ABCA4: variants seen among roughly 807,000 people sequenced by gnomAD.
ABCA4 encodes the protein retinal-specific phospholipid-transporting ATPase ABCA4.
A neutral mutation model predicts 263.7 loss-of-function variants in ABCA4; 196 were observed. The observed-to-expected ratio is 0.74, with a 90% CI of 0.66 to 0.84. ABCA4 has a LOEUF of 0.84. Among genes scored for constraint, ABCA4 ranks in the 40% least tolerant of loss-of-function variants. ABCA4 has a pLI of 0.00. For synonymous variants in ABCA4, 1,133 were observed against 1,094.2 expected, an observed-to-expected ratio of 1.04 and a Z score of -0.70; for missense variants, 2,792 against 2,855.1, an observed-to-expected ratio of 0.98 and a Z score of 0.50.
chr1:94,020,643 C>T (rs1041779182), intron 35 of ABCA4, among the ~76,000 whole-genome samples: 34 of 152,180 alleles, frequency 2.2e-4, no homozygotes, highest in African/African-American at 7.0e-4. Context: ...TGGCACTCAG[C>T]GTGTGCTAGG....
At chr1:94,015,610 G>A in intron 37 of ABCA4, 129 bp downstream of exon 37, 1 of 759,478 alleles carries the variant, frequency 1.3e-6, no homozygotes, top group Non-Finnish European at 2.3e-6. Flanking sequence ...GACCCTACCT[G>A]GGGCCGGAAG....
chr1:94,056,547 C>T (rs558989818), intron 15 of ABCA4, 54 bp downstream of exon 15: 86 of 1,569,898 alleles, frequency 5.5e-5, no homozygotes, highest in Middle Eastern at 2.3e-4. Flanking sequence ...AGGACTGCTA[C>T]GGACCCTTCC....
chr1:94,016,397 GA>G (rs2101016372), intron 36 of ABCA4, among the ~76,000 whole-genome samples: 1 of 152,294 alleles, frequency 6.6e-6, no homozygotes, highest in East Asian at 1.9e-4. Context: ...GCCTCAACGG[GA>G]TGAGAAAGAT....
In ABCA4 at chr1:94,031,953, T is replaced by C. The variant is rs960704174; in HGVS notation, c.3953A>G (p.Asn1318Ser). The change falls in exon 27 of 50, where the codon AAT becomes AGT. Residue 1318 changes from asparagine to serine, a missense_variant. Transcript: ENST00000370225. ...AGCCGGCGCCCCTGGGGAGCAGACA[T>C]TGGAGTCCTGGGGTGTCTGTCCAGC... Reference protein sequence around the residue: ...EKAGQTPQDSNVCSPGAPAAH... With the variant: ...EKAGQTPQDSSVCSPGAPAAH... 5.6e-6 allele frequency: 9 copies of C among 1,613,908 alleles called. 1 individual carries two copies. Among genetic ancestry groups the C allele is most frequent in the South Asian group, 4.4e-5 (4 of 91,060 alleles).
At chr1:94,011,491 G>A in intron 38 of ABCA4, 106 bp from the exon 39 acceptor site, 1 of 1,565,226 alleles carries the variant, frequency 6.4e-7, no homozygotes, top group South Asian at 1.1e-5. Flanking sequence ...GGCAAGGCCT[G>A]CAGACAGAGA....
chr1:94,016,706 A>G (rs1659756631), intron 36 of ABCA4, among the ~76,000 whole-genome samples: 1 of 152,204 alleles, frequency 6.6e-6, no homozygotes, highest in Admixed American at 6.5e-5. Flanking sequence ...ATAGGTAGAT[A>G]GAGAACTATA....
intron 4 of ABCA4, 62 bp from the exon 5 acceptor site, chr1:94,103,204 C>G: frequency 6.3e-7 from 1 of 1,590,868 alleles, no homozygotes; most frequent in South Asian, 1.1e-5. Flanking sequence ...AAAAGGAAAA[C>G]AGCCAGAGTC....
In ABCA4 at chr1:94,010,918, A is replaced by C. The variant is rs775714847; in HGVS notation, c.5596T>G (p.Ser1866Ala). The change falls in exon 40 of 50, where the codon TCT becomes GCT. Residue 1866 changes from serine (S) to alanine (A), a missense_variant. Physicochemically the swap from Ser to Ala is moderately conservative, Grantham distance 99. Coordinates refer to ENST00000370225, the MANE Select transcript of ABCA4 (RefSeq NM_000350.3). ...DVYARFGEEH[S>A]ANPFHWDLIG... The stretch of plus-strand genomic sequence containing the variant: ...AGGTCCCAGTGGAACGGATTTGCAG[A>C]GTGCTCCTCACCTGGGCATCAACAG... The C allele has an allele frequency of 6.2e-7, 1 of 1,614,070 alleles. No homozygotes were observed.
At chr1:94,026,498 C>T (rs1483179597) in intron 30 of ABCA4, among the ~76,000 whole-genome samples, 3 of 152,234 alleles carry the variant, frequency 2.0e-5, no homozygotes, top group Non-Finnish European at 2.9e-5. Flanking sequence ...GGCCTAGGAA[C>T]TGAATCTGCC....
rs758912686 is a variant in ABCA4, at chr1:94,021,292, C to G, written c.4966G>C (p.Val1656Leu). The change falls in exon 35 of 50, where the codon GTC (valine) becomes CTC (leucine). Residue 1656 changes from valine (V) to leucine (L), a missense_variant. Physicochemically the swap from Val to Leu is conservative, Grantham distance 32. Coordinates refer to ENST00000370225, the MANE Select transcript of ABCA4 (RefSeq NM_000350.3). ...GTCAGGTTCAGGGGTTGGCTAATGA[C>G]GGTGATTCCATACTCCTCGGGGCTC... is the stretch of plus-strand genomic sequence containing the variant. ...DRSPEEYGIT[V>L]ISQPLNLTKE... 6.2e-7 allele frequency: 1 copy of G among 1,614,176 alleles called. No homozygotes were observed.
intron 23 of ABCA4, among the ~76,000 whole-genome samples, chr1:94,040,876 G>A (rs1660466631): frequency 6.6e-6 from 1 of 152,114 alleles, no homozygotes; most frequent in Admixed American, 6.5e-5. Context: ...TATTAATGTT[G>A]AAATGAAGCT....
chr1:93,999,400 G>A (rs1480530270), intron 47 of ABCA4, among the ~76,000 whole-genome samples: 1 of 152,204 alleles, frequency 6.6e-6, no homozygotes, highest in Non-Finnish European at 1.5e-5. Context: ...ATAAAGACAC[G>A]TGGACCAGTG....
At chr1:94,051,086 C>A (rs1405112774) in intron 17 of ABCA4, among the ~76,000 whole-genome samples, 3 of 152,228 alleles carry the variant, frequency 2.0e-5, no homozygotes, top group African/African-American at 7.2e-5. Context: ...TGGGCAAATG[C>A]CCTTTCAGCC....
chr1:94,115,560 C>T (rs1284467853), intron 1 of ABCA4, among the ~76,000 whole-genome samples: 1 of 152,178 alleles, frequency 6.6e-6, no homozygotes, highest in Non-Finnish European at 1.5e-5. Flanking sequence ...AGCTATGTGA[C>T]CTTGGGCAGC....
chr1:94,118,998 T>C (rs910566608), intron 1 of ABCA4, among the ~76,000 whole-genome samples: 4 of 152,176 alleles, frequency 2.6e-5, no homozygotes, highest in Non-Finnish European at 4.4e-5. Context: ...TAATTTCTTA[T>C]GGGAAAGAGA....
rs61748526 is a variant in ABCA4, at chr1:94,111,517, A to C, written c.223T>G (p.Cys75Gly). Residue 75 changes from cysteine to glycine, a missense_variant, in exon 3 of 50, where the codon TGC becomes GGC. By Grantham distance (159) the Cys-to-Gly change is radical. Transcript: ENST00000370225. ...GMLPWLQGIF[C>G]NVNNPCFQSP... ...TGAAAACAGGGATTGTTCACATTGCAGAAGATCCCCTGGAGCCACGGCAGC... is the reference window on the plus strand; with the variant it reads ...TGAAAACAGGGATTGTTCACATTGCCGAAGATCCCCTGGAGCCACGGCAGC... 7.4e-6 allele frequency: 12 copies of C among 1,614,084 alleles called. No individual in the cohort carries two copies. Among genetic ancestry groups the C allele is most frequent in the African/African-American group, 1.3e-5 (1 of 74,928 alleles).
rs767396224 is a variant in ABCA4 at position 94,055,139 on chromosome 1, G to A, written c.2559C>T (p.Leu853=). Residue 853 remains leucine (L), a synonymous_variant, in exon 16 of 50, where the codon CTC becomes CTT. Coordinates refer to ENST00000370225, the MANE Select transcript of ABCA4 (RefSeq NM_000350.3). Reference sequence around the variant, plus strand: ...GAAACACCTGATCAAGGTACCAAGCGAGTAAGCCATAGACAGCAGCATCAA... The same window carrying A: ...GAAACACCTGATCAAGGTACCAAGCAAGTAAGCCATAGACAGCAGCATCAA... The part of the protein sequence containing the change: ...MLLDAAVYGL[L]AWYLDQVFPG... The A allele has an allele frequency of 1.5e-5, 24 of 1,614,116 alleles. No homozygotes were observed. Among genetic ancestry groups the A allele is most frequent in the Non-Finnish European group, 1.7e-5 (20 of 1,180,034 alleles).
chr1:94,003,235 A>G (rs927059933), intron 44 of ABCA4, among the ~76,000 whole-genome samples: 1 of 152,064 alleles, frequency 6.6e-6, no homozygotes, highest in African/African-American at 2.4e-5. Flanking sequence ...TCTGCACAAG[A>G]TGTAGTCTAT....
chr1:94,014,482 G>C lies in ABCA4; in HGVS notation c.5460+61C>G. The C allele has an allele frequency of 3.1e-6, 5 of 1,592,792 alleles. No individual in the cohort carries two copies. The South Asian group carries it at 5.5e-5, about 18-fold the overall frequency. ...ACGATGCTTGCCCCTGGCTCTGCTC[G>C]ACCAACACATACTCTACTATCCTAC... On this transcript the variant is annotated intron_variant, in intron 38 of 49. Coordinates refer to ENST00000370225, the MANE Select transcript of ABCA4 (RefSeq NM_000350.3).
Sources: gnomAD v4.1 joint callset for allele counts (sites outside exome capture counted in the v4.1 genomes callset) on GRCh38, gnomAD v4.1.1 for gene constraint, MANE v1.5 for transcripts, NCBI Gene and HGNC (gene_info 2026-07-23, HGNC 2026-07-21) for gene names.